The following PDE4D variants were observed in gnomAD, a reference collection of about 807,000 sequenced individuals.
The protein encoded by PDE4D is 3',5'-cyclic-AMP phosphodiesterase 4D.
Under a neutral mutation model 87.4 loss-of-function variants are expected in PDE4D, and 24 were observed. That is an observed-to-expected ratio of 0.27 (90% CI 0.20 to 0.39). The LOEUF is 0.39. Among genes scored for constraint, PDE4D ranks in the 10% least tolerant of loss-of-function variants. The pLI is 1.00. For missense variants in PDE4D, 714 were observed against 1,041.0 expected, an observed-to-expected ratio of 0.69 and a Z score of 4.32; for synonymous variants, 384 against 383.2, an observed-to-expected ratio of 1.00 and a Z score of -0.02.
At chr5:59,989,438 T>G (rs1173927058) in intron 2 of PDE4D, among the ~76,000 whole-genome samples, 2 of 151,988 alleles carry the variant, frequency 1.3e-5, no homozygotes, top group Admixed American at 1.3e-4. Context: ...TGCATGCCCA[T>G]GAAGAGAGAG....
At chr5:59,098,385 G>A (rs1437294494) in intron 5 of PDE4D, among the ~76,000 whole-genome samples, 1 of 151,946 alleles carries the variant, frequency 6.6e-6, no homozygotes, top group African/African-American at 2.4e-5. Flanking sequence ...TAAGAAAGAG[G>A]TTTATTTTTA....
intron 1 of PDE4D, among the ~76,000 whole-genome samples, chr5:59,446,813 G>A (rs936091065): frequency 1.3e-5 from 2 of 152,202 alleles, no homozygotes; most frequent in African/African-American, 4.8e-5. Context: ...TTCGGTTCAT[G>A]TGTGTTTTTA....
At chr5:59,656,598 C>A (rs1347246825) in intron 1 of PDE4D, among the ~76,000 whole-genome samples, 2 of 152,198 alleles carry the variant, frequency 1.3e-5, no homozygotes, top group Non-Finnish European at 2.9e-5. Context: ...CAGGATGCAG[C>A]ATAGGAGGAT....
intron 5 of PDE4D, among the ~76,000 whole-genome samples, chr5:59,173,523 C>T (rs1220932406): frequency 6.6e-6 from 1 of 152,162 alleles, no homozygotes; most frequent in Non-Finnish European, 1.5e-5. Context: ...AAAGTAAACT[C>T]CTTCAGCTTA....
intron 6 of PDE4D, among the ~76,000 whole-genome samples, chr5:59,026,543 G>A (rs1561334895): frequency 6.6e-6 from 1 of 152,126 alleles, no homozygotes; most frequent in Non-Finnish European, 1.5e-5. Context: ...CACTCACTGG[G>A]TTGGGCTAAA....
chr5:59,824,192 A>T (rs1028291993), intron 1 of PDE4D, among the ~76,000 whole-genome samples: 1 of 152,120 alleles, frequency 6.6e-6, no homozygotes, highest in African/African-American at 2.4e-5. Context: ...ACAATCAACA[A>T]CTATCACTTT....
chr5:60,302,644 AT>A (rs1248270326), intron 1 of PDE4D, among the ~76,000 whole-genome samples: 1 of 151,778 alleles, frequency 6.6e-6, no homozygotes, highest in Non-Finnish European at 1.5e-5. Flanking sequence ...ATTTTGAAGG[AT>A]TTTTTTGTGT....
chr5:59,806,299 G>C (rs1356395659), intron 1 of PDE4D, among the ~76,000 whole-genome samples: 3 of 152,226 alleles, frequency 2.0e-5, no homozygotes, highest in Non-Finnish European at 4.4e-5. Flanking sequence ...GGCTAGCGCA[G>C]AGGTGGCACA....
intron 1 of PDE4D, among the ~76,000 whole-genome samples, chr5:59,361,180 G>A (rs1782166723): frequency 6.6e-6 from 1 of 152,088 alleles, no homozygotes; most frequent in Admixed American, 6.5e-5. Context: ...GGGATTGAAG[G>A]AAAGAAATCA....
At chr5:59,444,823 C>T (rs1272158297) in intron 1 of PDE4D, among the ~76,000 whole-genome samples, 12 of 152,042 alleles carry the variant, frequency 7.9e-5, no homozygotes, top group Non-Finnish European at 1.5e-5. Flanking sequence ...AACAAACAAA[C>T]AAACAAACAA....
intron 1 of PDE4D, among the ~76,000 whole-genome samples, chr5:59,663,201 G>C (rs1215235778): frequency 6.6e-6 from 1 of 151,028 alleles, no homozygotes; most frequent in East Asian, 1.9e-4. Flanking sequence ...GTCTCACTCT[G>C]TCTCCAAGGC....
intron 1 of PDE4D, among the ~76,000 whole-genome samples, chr5:59,651,116 C>G (rs1359694663): frequency 6.6e-6 from 1 of 151,492 alleles, no homozygotes; most frequent in African/African-American, 2.4e-5. Flanking sequence ...ATTAGCCTGG[C>G]GTGGTGGCAG....
intron 1 of PDE4D, among the ~76,000 whole-genome samples, chr5:59,687,764 G>A (rs1276545002): frequency 1.3e-5 from 2 of 151,984 alleles, no homozygotes; most frequent in Non-Finnish European, 2.9e-5. Flanking sequence ...ATTAAAAGAT[G>A]CTAACTGGCA....
intron 1 of PDE4D, among the ~76,000 whole-genome samples, chr5:59,219,086 C>A (rs1751895459): frequency 6.7e-6 from 1 of 148,670 alleles, no homozygotes; most frequent in South Asian, 2.2e-4. Flanking sequence ...GGAGATATAC[C>A]TAATGCTAGA....
At chr5:59,330,355 A>C (rs981878387) in intron 1 of PDE4D, among the ~76,000 whole-genome samples, 4 of 152,122 alleles carry the variant, frequency 2.6e-5, no homozygotes, top group African/African-American at 9.7e-5. Context: ...CACATTAGTG[A>C]GATCGTTTGG....
At chr5:60,256,590 A>G (rs746493205) in intron 1 of PDE4D, among the ~76,000 whole-genome samples, 24 of 151,922 alleles carry the variant, frequency 1.6e-4, no homozygotes, top group Non-Finnish European at 3.2e-4. Context: ...CATAAAAAAA[A>G]TTTCTAGTCA....
At chr5:59,980,497 T>C (rs950471129) in intron 3 of PDE4D, among the ~76,000 whole-genome samples, 1 of 152,252 alleles carries the variant, frequency 6.6e-6, no homozygotes, top group Admixed American at 6.5e-5. Flanking sequence ...GATGCTCTGA[T>C]GTTGGTGAAC....
chr5:59,665,377 T>C (rs1340339461), intron 1 of PDE4D, among the ~76,000 whole-genome samples: 1 of 152,226 alleles, frequency 6.6e-6, no homozygotes, highest in Non-Finnish European at 1.5e-5. Context: ...GTAATTATCT[T>C]ATATTCCTGT....
At chr5:59,556,213 C>T (rs947606158) in intron 1 of PDE4D, among the ~76,000 whole-genome samples, 4 of 152,170 alleles carry the variant, frequency 2.6e-5, no homozygotes, top group Admixed American at 1.3e-4. Flanking sequence ...GTGGCCTGCA[C>T]ATCTGAGACA....
Sources: gnomAD v4.1 joint callset for allele counts (sites outside exome capture counted in the v4.1 genomes callset) on GRCh38, gnomAD v4.1.1 for gene constraint, MANE v1.5 for transcripts, NCBI Gene and HGNC (gene_info 2026-07-23, HGNC 2026-07-21) for gene names.